The following DLGAP1 variants were observed in gnomAD, a reference collection of about 807,000 sequenced individuals.
DLGAP1 encodes disks large-associated protein 1.
A neutral mutation model predicts 90.8 loss-of-function variants in DLGAP1; 11 were observed. The ratio of observed to expected loss-of-function variants is 0.12; its 90% confidence interval spans 0.08 to 0.20. The LOEUF is 0.20. DLGAP1 is among the 10% of genes least tolerant of loss of function. The pLI, the probability that DLGAP1 is intolerant of heterozygous loss-of-function variation, is 1.00. For missense variants in DLGAP1, 1,050 were observed against 1,333.8 expected (o/e 0.79, Z 3.31); for synonymous variants, 558 against 540.7 (o/e 1.03, Z -0.44).
chr18:3,833,179 T>TCCTTG (rs2068142733), intron 4 of DLGAP1, among the ~76,000 whole-genome samples: 1 of 29,256 alleles, frequency 3.4e-5, no homozygotes, highest in Non-Finnish European at 7.9e-5. Flanking sequence ...CCTTCCTTCC[T>TCCTTG]TCCTTCCTTC....
chr18:3,778,035 T>A (rs376124813), intron 5 of DLGAP1, among the ~76,000 whole-genome samples: 1 of 152,346 alleles, frequency 6.6e-6, no homozygotes, highest in East Asian at 1.9e-4. Context: ...TACTTTGTGT[T>A]CTTATCAATG....
chr18:4,048,596 G>A (rs1294806279), intron 2 of DLGAP1, among the ~76,000 whole-genome samples: 2 of 152,322 alleles, frequency 1.3e-5, no homozygotes, highest in East Asian at 3.9e-4. Context: ...ATCCTACAAT[G>A]TCGATAGACT....
At chr18:4,356,212 G>T (rs546543789) in intron 1 of DLGAP1, among the ~76,000 whole-genome samples, 1 of 151,766 alleles carries the variant, frequency 6.6e-6, no homozygotes, top group Non-Finnish European at 1.5e-5. Flanking sequence ...TCATTTGGAG[G>T]TTCTTCTCTT....
intron 1 of DLGAP1, among the ~76,000 whole-genome samples, chr18:4,328,434 T>C (rs893707977): frequency 3.9e-5 from 6 of 152,126 alleles, no homozygotes; most frequent in African/African-American, 1.2e-4. Flanking sequence ...CATGATTTGC[T>C]TGCCTATTCA....
intron 1 of DLGAP1, among the ~76,000 whole-genome samples, chr18:4,209,410 C>T (rs573566296): frequency 6.6e-6 from 1 of 152,302 alleles, no homozygotes; most frequent in South Asian, 2.1e-4. Context: ...CCTGCTCTTT[C>T]AATCCTGAAT....
At chr18:4,171,997 AAAGAAGATCAGATGG>A (rs2077034497) in intron 1 of DLGAP1, among the ~76,000 whole-genome samples, 1 of 152,224 alleles carries the variant, frequency 6.6e-6, no homozygotes, top group Non-Finnish European at 1.5e-5. Flanking sequence ...CACTTGAGAT[AAAGAAGATCAGATGG>A]AAGACAATCA....
chr18:4,090,008 G>C (rs1027490187), intron 2 of DLGAP1, among the ~76,000 whole-genome samples: 1 of 152,082 alleles, frequency 6.6e-6, no homozygotes, highest in Non-Finnish European at 1.5e-5. Context: ...TCGCGCCGCT[G>C]CACTCCAGCC....
chr18:3,912,337 C>G (rs1890975093), intron 3 of DLGAP1, among the ~76,000 whole-genome samples: 1 of 152,156 alleles, frequency 6.6e-6, no homozygotes, highest in Non-Finnish European at 1.5e-5. Flanking sequence ...ATGAAGGAAA[C>G]TCGCTCTTTT....
rs185100388 is a variant in DLGAP1, at chr18:4,423,739, T to C, written c.-267+31267A>G. On this transcript the variant is annotated intron_variant, in intron 1 of 12. Transcript: ENST00000315677. ...TCAATTCTGCCAACTCACAGACTTC[T>C]TTAAAGGTTGCCTACCCCAGGACAA... 4.0e-3 allele frequency among the ~76,000 whole-genome samples: 613 copies of C among 151,754 alleles called. 3 individuals carry two copies. Among genetic ancestry groups the C allele is most frequent in the Admixed American group, 8.7e-3 (133 of 15,246 alleles).
At chr18:3,634,358 C>T (rs1264375635) in intron 7 of DLGAP1, among the ~76,000 whole-genome samples, 1 of 152,012 alleles carries the variant, frequency 6.6e-6, no homozygotes, top group Non-Finnish European at 1.5e-5. Flanking sequence ...GTATTTATTG[C>T]TATTCAAGTG....
intron 9 of DLGAP1, among the ~76,000 whole-genome samples, chr18:3,552,137 T>C (rs1193836195): frequency 6.6e-6 from 1 of 151,938 alleles, no homozygotes; most frequent in African/African-American, 2.4e-5. Flanking sequence ...CCTTCCCTCA[T>C]CTCTTCCAGG....
chr18:3,907,067 G>T (rs145454558), intron 3 of DLGAP1, among the ~76,000 whole-genome samples: 3,095 of 152,272 alleles, frequency 0.02, 45 homozygotes, highest in Non-Finnish European at 0.03. Context: ...ATATGCATAT[G>T]CAATTATATG....
chr18:4,093,313 C>A (rs2075618235), intron 2 of DLGAP1, among the ~76,000 whole-genome samples: 1 of 152,110 alleles, frequency 6.6e-6, no homozygotes, highest in African/African-American at 2.4e-5. Flanking sequence ...AGGCTTTGAG[C>A]TTTTTCCCAG....
intron 10 of DLGAP1, among the ~76,000 whole-genome samples, chr18:3,513,369 G>A (rs1466132710): frequency 6.6e-6 from 1 of 152,188 alleles, no homozygotes. Flanking sequence ...CATGAACATG[G>A]GGTCCTATAG....
chr18:4,129,592 T>C (rs571401561), intron 2 of DLGAP1, among the ~76,000 whole-genome samples: 3 of 152,208 alleles, frequency 2.0e-5, no homozygotes, highest in African/African-American at 7.2e-5. Flanking sequence ...CACTGCGACT[T>C]TTCCTGAGGC....
chr18:3,761,396 A>G (rs949019134), intron 5 of DLGAP1, among the ~76,000 whole-genome samples: 1 of 152,188 alleles, frequency 6.6e-6, no homozygotes, highest in Non-Finnish European at 1.5e-5. Flanking sequence ...TTCAAGGTCC[A>G]TCCACAATGT....
chr18:4,146,296 A>T (rs1011088153), intron 2 of DLGAP1, among the ~76,000 whole-genome samples: 5 of 152,214 alleles, frequency 3.3e-5, no homozygotes, highest in African/African-American at 9.7e-5. Context: ...TAAAGTACAT[A>T]GAGTGGTTCA....
chr18:3,508,820 C>A (rs943526867), intron 10 of DLGAP1, among the ~76,000 whole-genome samples, 159 bp from the exon 11 acceptor site: 3 of 152,118 alleles, frequency 2.0e-5, no homozygotes, highest in African/African-American at 7.2e-5. Context: ...TCACTGTTGT[C>A]ACCCTGTTGG....
intron 3 of DLGAP1, among the ~76,000 whole-genome samples, chr18:3,969,239 T>C (rs753862509): frequency 2.0e-5 from 3 of 152,290 alleles, no homozygotes; most frequent in Non-Finnish European, 2.9e-5. Context: ...AAAAACAATA[T>C]ACTAGAAATC....
Sources: allele counts gnomAD v4.1 joint callset (sites outside exome capture counted in the v4.1 genomes callset), GRCh38; gene constraint gnomAD v4.1.1; transcripts MANE v1.5; gene names NCBI Gene and HGNC (gene_info 2026-07-23, HGNC 2026-07-21).